TMEM132E: variants seen among roughly 807,000 people sequenced by gnomAD.
The protein encoded by TMEM132E is transmembrane protein 132E.
In TMEM132E, 49 loss-of-function variants were observed where a neutral mutation model predicts 78.5. The observed-to-expected ratio is 0.62, with a 90% CI of 0.50 to 0.79. The LOEUF (loss-of-function observed/expected upper bound fraction) is 0.79. Ranked by LOEUF, TMEM132E falls within the 30% of genes least tolerant of loss-of-function variation. The pLI is 0.00. For missense variants in TMEM132E, 1,403 were observed against 1,470.9 expected (o/e 0.95, Z 0.75); for synonymous variants, 715 against 670.6 (o/e 1.07, Z -1.02).
chr17:34,619,080 T>G (rs1347981176), intron 1 of TMEM132E, among the ~76,000 whole-genome samples: 1 of 152,200 alleles, frequency 6.6e-6, no homozygotes, highest in Non-Finnish European at 1.5e-5. Flanking sequence ...AGGTCTGGGT[T>G]GGGGTGGGGT....
intron 1 of TMEM132E, among the ~76,000 whole-genome samples, chr17:34,589,039 C>T (rs997198576): frequency 6.6e-6 from 1 of 152,150 alleles, no homozygotes; most frequent in Non-Finnish European, 1.5e-5. Flanking sequence ...CAGGCAAGTG[C>T]TATTTATTTT....
Position 34,629,075 on chromosome 17 carries a change from G to A in TMEM132E, c.1209G>A (p.Gln403=). 6.2e-7 allele frequency: 1 copy of A among 1,603,196 alleles called. No individual in the cohort carries two copies. The highest frequency in any genetic ancestry group is 8.5e-7 in the Non-Finnish European group (1 of 1,172,586). The change falls in exon 4 of 9, where the codon CAG becomes CAA. Residue 403 remains glutamine, a synonymous_variant. Coordinates refer to ENST00000631683, the MANE Select transcript of TMEM132E (RefSeq NM_001304438.2). ...LDFEMENFTS[Q]SVKRRIMWHI... ...TTGAAATGGAGAACTTCACCAGCCA[G>A]TCAGTCAAGCGGAGGATCATGTGGC...
rs1025306477 is a variant in TMEM132E at position 34,626,749 on chromosome 17, C to G, written c.690C>G (p.Ala230=). 24 of 1,390,456 alleles carry G rather than the reference C, an allele frequency of 1.7e-5. No homozygotes were observed. In the African/African-American group the frequency reaches 3.1e-4, roughly 18 times the overall value. The allele number at this position is 1,390,456 out of a possible 1,614,324, so 86.1% of individuals were successfully genotyped here. A position where few individuals can be genotyped will look rare whatever the true frequency, so the allele number is the denominator to read the frequency against. The change falls in exon 2 of 9, where the codon GCC becomes GCG. Residue 230 remains alanine (A), a synonymous_variant. Transcript: ENST00000631683. ...EPEATGESQQ[A]ELYYTLHAPD... is the part of the protein sequence containing the mutation. ...AGGCGACGGGGGAGAGCCAGCAGGC[C>G]GAGCTCTACTACACGCTCCACGCCC... is the stretch of plus-strand genomic sequence containing the variant.
Position 34,579,846 on chromosome 17 carries a change from C to T in TMEM132E, c.-1231C>T, listed in dbSNP as rs1273092116. The T allele has an allele frequency of 1.3e-5, 2 of 152,220 alleles. No homozygotes were observed. The highest frequency in any genetic ancestry group is 1.9e-4 in the East Asian group (1 of 5,166). The allele number at this position is 152,220 out of a possible 1,614,324, so 9.4% of individuals were successfully genotyped here. A position where few individuals can be genotyped will look rare whatever the true frequency, so the allele number is the denominator to read the frequency against. On this transcript the variant is annotated 5_prime_UTR_variant, in exon 1 of 9. Coordinates refer to ENST00000631683, the MANE Select transcript of TMEM132E (RefSeq NM_001304438.2). The stretch of plus-strand genomic sequence containing the variant: ...GGCCCCTGGCGCCGCGCCCGCGTCT[C>T]ACCGCCCGCAGCCCGGACTGGCGCG...
chr17:34,596,853 CAAA>C lies in TMEM132E; in HGVS notation c.67+15730_67+15732del, dbSNP rs35038070. 0.018 allele frequency among the ~76,000 whole-genome samples: 1,272 copies of C among 72,346 alleles called. 42 individuals are homozygous for C. In the East Asian group the frequency reaches 0.23, roughly 13 times the overall value. The allele number at this position is 72,346 out of a possible 152,430, so 47.5% of individuals were successfully genotyped here. ...TTTCTGTAAATTGCTCTAAGTAGCT[CAAA>C]AAAAAAAAAAAAAAAAAAAGGAAGA... On this transcript the variant is annotated intron_variant, in intron 1 of 8. Transcript: ENST00000631683.
chr17:34,609,214 G>T (rs1370289896), intron 1 of TMEM132E, among the ~76,000 whole-genome samples: 5 of 152,216 alleles, frequency 3.3e-5, no homozygotes, highest in African/African-American at 1.2e-4. Flanking sequence ...TGGCCTGGAA[G>T]AGAAGCCTCC....
intron 2 of TMEM132E, among the ~76,000 whole-genome samples, chr17:34,627,824 C>T (rs951016457): frequency 6.6e-6 from 1 of 152,090 alleles, no homozygotes; most frequent in Non-Finnish European, 1.5e-5. Context: ...AGTTTAAATG[C>T]TGTCGGAAAG....
chr17:34,592,136 C>T (rs1905893411), intron 1 of TMEM132E, among the ~76,000 whole-genome samples: 1 of 152,104 alleles, frequency 6.6e-6, no homozygotes, highest in South Asian at 2.1e-4. Context: ...GTTTTTTAAC[C>T]CTTGATGCCT....
intron 1 of TMEM132E, among the ~76,000 whole-genome samples, chr17:34,595,364 T>A (rs1385650455): frequency 1.3e-5 from 2 of 152,220 alleles, no homozygotes; most frequent in Non-Finnish European, 2.9e-5. Context: ...AGTACCAGCA[T>A]GTGCCTGGAT....
chr17:34,629,229 G>A (rs759486749), intron 4 of TMEM132E, 25 bp downstream of exon 4: 1 of 1,610,912 alleles, frequency 6.2e-7, no homozygotes, highest in South Asian at 1.1e-5. Context: ...GACCAGCCCA[G>A]AAGATGCCTG....
At chr17:34,613,209 A>ACGCGCGCGCGCGCGCGCG (rs1383529235) in intron 1 of TMEM132E, among the ~76,000 whole-genome samples, 3 of 63,514 alleles carry the variant, frequency 4.7e-5, no homozygotes, top group East Asian at 7.1e-4. Context: ...ACACACACAC[A>ACGCGCGCGCGCGCGCGCG]CACGCGCGCG....
chr17:34,597,929 C>T (rs986420518), intron 1 of TMEM132E, among the ~76,000 whole-genome samples: 1 of 152,172 alleles, frequency 6.6e-6, no homozygotes, highest in Non-Finnish European at 1.5e-5. Flanking sequence ...TGAGCAAGTC[C>T]CTTCCCTCCC....
chr17:34,636,527 G>A (rs1264379218), intron 8 of TMEM132E, among the ~76,000 whole-genome samples: 2 of 152,234 alleles, frequency 1.3e-5, no homozygotes, highest in African/African-American at 4.8e-5. Flanking sequence ...CACAGGCATA[G>A]CCACAGGATG....
chr17:34,597,188 C>T (rs1181100296), intron 1 of TMEM132E, among the ~76,000 whole-genome samples: 6 of 152,124 alleles, frequency 3.9e-5, no homozygotes, highest in Non-Finnish European at 7.4e-5. Flanking sequence ...CTGCACTTCC[C>T]TCATCAGTCT....
At chr17:34,627,137 G>A (rs1907177998) in intron 2 of TMEM132E, 80 bp downstream of exon 2, 1 of 1,278,340 alleles carries the variant, frequency 7.8e-7, no homozygotes, top group Non-Finnish European at 1.1e-6. Context: ...TGGGTTGGGG[G>A]GTGGGGGGAC....
intron 6 of TMEM132E, among the ~76,000 whole-genome samples, chr17:34,633,338 C>G (rs1001396442): frequency 3.9e-4 from 59 of 152,382 alleles, no homozygotes; most frequent in South Asian, 1.7e-3. Context: ...GGTTAAGAGA[C>G]TGCCTGCAGT....
rs1907171131 is a variant in TMEM132E, at chr17:34,627,019, C to T, written c.960C>T (p.Ser320=). 2 of 1,613,798 alleles carry T rather than the reference C, an allele frequency of 1.2e-6. No homozygotes were observed. Among genetic ancestry groups the T allele is most frequent in the Non-Finnish European group, 1.7e-6 (2 of 1,180,014 alleles). The stretch of plus-strand genomic sequence containing the variant: ...TCCTCTATCTGGCCCCCAACTCCTC[C>T]TCGCCCTCCAGCCCCAGCGTGGAGC... ...SILLYLAPNS[S]SPSSPSVEHF... The change falls in exon 2 of 9, where the codon TCC becomes TCT. Residue 320 remains serine (S), a synonymous_variant. Coordinates refer to ENST00000631683, the MANE Select transcript of TMEM132E (RefSeq NM_001304438.2).
rs1309004337 is a variant in TMEM132E at position 34,621,355 on chromosome 17, T to G, written c.68-4772T>G. ...CTTCTCACTGTGTCTTCACAACTTC[T>G]CTCTGTGTGTGTCTGCATCCTCATC... On this transcript the variant is annotated intron_variant, in intron 1 of 8. Transcript: ENST00000631683. Among the ~76,000 whole-genome samples the G allele has an allele frequency of 3.3e-5, 5 of 152,198 alleles. No individual in the cohort carries two copies. The East Asian group carries it at 9.6e-4, about 29-fold the overall frequency.
In TMEM132E at chr17:34,632,882, G is replaced by A; in HGVS notation, c.1661G>A (p.Trp554Ter). The change falls in exon 6 of 9, where the codon TGG (tryptophan) becomes TAG (stop). Residue 554 changes from tryptophan to a stop codon, truncating the protein, a stop_gained. Transcript: ENST00000631683. LOFTEE classifies it high-confidence loss of function. ...GCCCGCCTCAGCCAAGTGAAGGGCT[G>A]GAGGGTACCTATCCTCCCCGACCGG... ...SDARLSQVKG[W>*]RVPILPDRRS... is the part of the protein sequence containing the mutation. 6.2e-7 allele frequency: 1 copy of A among 1,614,208 alleles called. No individual in the cohort carries two copies. Among genetic ancestry groups the A allele is most frequent in the Non-Finnish European group, 8.5e-7 (1 of 1,180,044 alleles).
Sources: gnomAD v4.1 joint callset for allele counts (sites outside exome capture counted in the v4.1 genomes callset) on GRCh38, gnomAD v4.1.1 for gene constraint, MANE v1.5 for transcripts, NCBI Gene and HGNC (gene_info 2026-07-23, HGNC 2026-07-21) for gene names.